The following NUCB1 variants were observed in gnomAD, a reference collection of about 807,000 sequenced individuals.
NUCB1 encodes nucleobindin 1.
NUCB1 carries 47 observed loss-of-function variants against 61.2 expected under a neutral mutation model. The ratio of observed to expected loss-of-function variants is 0.77; its 90% CI spans 0.61 to 0.98. NUCB1 has a LOEUF of 0.98. Ranked by LOEUF, NUCB1 falls within the 50% of genes least tolerant of loss-of-function variation. The pLI, the probability that NUCB1 is intolerant of heterozygous loss-of-function variation, is 0.00. For synonymous variants in NUCB1, 234 were observed against 243.1 expected, an observed-to-expected ratio of 0.96 and a Z score of 0.35; for missense variants, 583 against 605.3, an observed-to-expected ratio of 0.96 and a Z score of 0.39.
At chr19:48,902,562 A>G (rs1007851530) in intron 2 of NUCB1, among the ~76,000 whole-genome samples, 2 of 151,184 alleles carry the variant, frequency 1.3e-5, no homozygotes, top group African/African-American at 4.9e-5. Context: ...ATGTGCCACC[A>G]TGCCTAGCTA....
chr19:48,912,600 C>T (rs1260938540), intron 5 of NUCB1, among the ~76,000 whole-genome samples: 2 of 152,122 alleles, frequency 1.3e-5, no homozygotes, highest in African/African-American at 4.8e-5. Context: ...CTTTGGGAGG[C>T]TGACGTGGGC....
chr19:48,921,917 T>C lies in NUCB1; in HGVS notation c.1264T>C (p.Phe422Leu). 2 of 1,603,848 alleles carry C rather than the reference T, an allele frequency of 1.2e-6. No individual in the cohort carries two copies. Among genetic ancestry groups the C allele is most frequent in the Non-Finnish European group, 1.7e-6 (2 of 1,175,740 alleles). The change falls in exon 12 of 13, where the codon TTC becomes CTC. Residue 422 changes from phenylalanine (F) to leucine (L), a missense_variant. Physicochemically the swap from Phe to Leu is conservative, Grantham distance 22. Transcript: ENST00000405315. ...TGCCCACCCTGAGGGGCAGCTCAAG[T>C]TCCACCCAGACACAGGTGCTGGCCC... ...PAAHPEGQLK[F>L]HPDTDDVPVP...
At chr19:48,918,323 A>C (rs1054804918) in intron 7 of NUCB1, 1 of 167,930 alleles carries the variant, frequency 6.0e-6, no homozygotes, top group African/African-American at 2.4e-5. Context: ...GAAGCCCTGC[A>C]GCTGTGGGGT....
intron 4 of NUCB1, among the ~76,000 whole-genome samples, chr19:48,910,398 G>A (rs2037459315): frequency 1.3e-5 from 2 of 150,640 alleles, no homozygotes; most frequent in Non-Finnish European, 3.0e-5. Flanking sequence ...TTTAAAGAGT[G>A]GTTGAGGCTG....
At chr19:48,919,356 C>G in intron 10 of NUCB1, 70 bp downstream of exon 10, 1 of 1,168,790 alleles carries the variant, frequency 8.6e-7, no homozygotes, top group Non-Finnish European at 1.2e-6. Context: ...CTTTCAGAAT[C>G]TTAGGCCCCT....
intron 4 of NUCB1, chr19:48,910,904 T>C: frequency 2.6e-6 from 1 of 391,346 alleles, no homozygotes; most frequent in Non-Finnish European, 4.8e-6. Context: ...TTAAAGTGCT[T>C]AGGGCATGGC....
In NUCB1 at chr19:48,919,202, C is replaced by T. The variant is rs1204991714; in HGVS notation, c.918C>T (p.Thr306=). 6.2e-7 allele frequency: 1 copy of T among 1,614,094 alleles called. No individual in the cohort carries two copies. The highest frequency in any genetic ancestry group is 2.2e-5 in the East Asian group (1 of 44,868). The change falls in exon 10 of 13, where the codon ACC becomes ACT. Residue 306 remains threonine, a synonymous_variant. Transcript: ENST00000405315. ...CTTATCTGGCTCCCCAGGTGGACAC[C>T]AACCAGGACCGCCTCGTGACCCTGG... ...MREHVMKNVD[T]NQDRLVTLEE...
In NUCB1 at chr19:48,900,844, G is replaced by GCTGCTGCTC. The variant is rs749596433; in HGVS notation, c.54_62dup (p.Leu19_Leu21dup). The GCTGCTGCTC allele has an allele frequency of 6.2e-7, 1 of 1,613,916 alleles. No homozygotes were observed. The highest frequency in any genetic ancestry group is 1.1e-5 in the South Asian group (1 of 91,078). The stretch of plus-strand genomic sequence containing the variant: ...GAACCCTCCTTCTGTTGCCGCTGCT[G>GCTGCTGCTC]CTGCTGCTCCTGCTTCGCGCCGTGC... On this transcript the variant is annotated inframe_insertion, in exon 2 of 13. Coordinates refer to ENST00000405315, the MANE Select transcript of NUCB1 (RefSeq NM_006184.6).
chr19:48,911,401 TTTTC>T (rs755262068), intron 5 of NUCB1, 149 bp downstream of exon 5: 3,221 of 465,076 alleles, frequency 6.9e-3, no homozygotes, highest in South Asian at 0.013. Context: ...GTTTCTTTTC[TTTTC>T]TTTTTTTTTT....
At chr19:48,915,464 C>G (rs1426826111) in intron 7 of NUCB1, among the ~76,000 whole-genome samples, 2 of 152,128 alleles carry the variant, frequency 1.3e-5, no homozygotes, top group Non-Finnish European at 2.9e-5. Context: ...GAGATCACAC[C>G]ACTGCACTCC....
At position 48,913,143 on chromosome 19, in the gene NUCB1, A is replaced by AAGCTGG; in HGVS notation, c.615_620dup (p.Leu206_Glu207dup). ...GGAGCAGAGAAAGGAGGCGGAGAGGAAGCTGGAAGAGCAACAGCGCCGGCA... is the reference window on the plus strand; with the variant it reads ...GGAGCAGAGAAAGGAGGCGGAGAGGAAGCTGGAGCTGGAAGAGCAACAGCGCCGGCA... On this transcript the variant is annotated inframe_insertion, in exon 6 of 13. Coordinates refer to ENST00000405315, the MANE Select transcript of NUCB1 (RefSeq NM_006184.6). The AAGCTGG allele has an allele frequency of 6.2e-7, 1 of 1,613,880 alleles. No homozygotes were observed. Among genetic ancestry groups the AAGCTGG allele is most frequent in the Non-Finnish European group, 8.5e-7 (1 of 1,179,978 alleles).
At chr19:48,900,564 A>T in intron 1 of NUCB1, 192 bp downstream of exon 1, 1 of 586,482 alleles carries the variant, frequency 1.7e-6, no homozygotes, top group Non-Finnish European at 3.0e-6. Context: ...AGTGTGAGAG[A>T]GGAGCGTGTT....
intron 11 of NUCB1, among the ~76,000 whole-genome samples, chr19:48,921,561 G>C (rs375469307): frequency 6.6e-6 from 1 of 152,168 alleles, no homozygotes; most frequent in African/African-American, 2.4e-5. Context: ...GGCCCAGGAG[G>C]GGGAGAAAGG....
intron 4 of NUCB1, among the ~76,000 whole-genome samples, chr19:48,906,991 T>C (rs74533754): frequency 6.6e-6 from 1 of 151,772 alleles, no homozygotes; most frequent in South Asian, 2.1e-4. Flanking sequence ...TTTTTTTTTT[T>C]TGAGACAGAG....
At chr19:48,907,568 C>A (rs1232678922) in intron 4 of NUCB1, among the ~76,000 whole-genome samples, 1 of 152,218 alleles carries the variant, frequency 6.6e-6, no homozygotes, top group Non-Finnish European at 1.5e-5. Flanking sequence ...AGCCACCAGC[C>A]TTGGCCCCCA....
At position 48,905,886 on chromosome 19, in the gene NUCB1, G is replaced by A. The variant is rs1449605698; in HGVS notation, c.376+1G>A. On this transcript the variant is annotated splice_donor_variant, in intron 4 of 12. Coordinates refer to ENST00000405315, the MANE Select transcript of NUCB1 (RefSeq NM_006184.6). LOFTEE classifies it high-confidence loss of function. ...AAGATGGACGCCGAGCAGGATCCCAGTGAGCAGGGGCAGGGCGGGAGGGAC... is the reference window on the plus strand; with the variant it reads ...AAGATGGACGCCGAGCAGGATCCCAATGAGCAGGGGCAGGGCGGGAGGGAC... 8.0e-7 allele frequency: 1 copy of A among 1,246,764 alleles called. No homozygotes were observed. The highest frequency in any genetic ancestry group is 1.1e-6 in the Non-Finnish European group (1 of 903,004). 77.2% of individuals were successfully genotyped at this position (1,246,764 alleles called of 1,614,324 possible).
Position 48,919,227 on chromosome 19 carries a change from G to A in NUCB1, c.943G>A (p.Glu315Lys), listed in dbSNP as rs201809328. ...DTNQDRLVTL[E>K]EFLASTQRKE... ...CAACCAGGACCGCCTCGTGACCCTG[G>A]AGGAGTTCCTCGCATCCACTCAGAG... Residue 315 changes from glutamate to lysine, a missense_variant, in exon 10 of 13, where the codon GAG becomes AAG. Physicochemically the swap from Glu to Lys is moderately conservative, Grantham distance 56 (BLOSUM62 1). Coordinates refer to ENST00000405315, the MANE Select transcript of NUCB1 (RefSeq NM_006184.6). 1.3e-5 allele frequency: 21 copies of A among 1,614,020 alleles called. 1 individual carries two copies. In the East Asian group the frequency reaches 2.0e-4, roughly 15 times the overall value.
At position 48,911,142 on chromosome 19, in the gene NUCB1, C is replaced by G; in HGVS notation, c.377-7C>G. 1 of 1,603,308 alleles carries G rather than the reference C, an allele frequency of 6.2e-7. No individual in the cohort carries two copies. The highest frequency in any genetic ancestry group is 1.7e-4 in the Middle Eastern group (1 of 6,046). ...CCTCAGGTGTTGGACTCTTCCCTCT[C>G]TTCCAGATGTACAGGTGGATCATCT... On this transcript the variant is annotated splice_polypyrimidine_tract_variant and splice_region_variant and intron_variant, in intron 4 of 12. Transcript: ENST00000405315.
chr19:48,921,372 G>T, intron 11 of NUCB1, 48 bp downstream of exon 11: 1 of 1,543,816 alleles, frequency 6.5e-7, no homozygotes, highest in Admixed American at 2.0e-5. Flanking sequence ...CTGGCTGCCC[G>T]TGTCCGTGTC....
Sources: gnomAD v4.1 joint callset for allele counts (sites outside exome capture counted in the v4.1 genomes callset) on GRCh38, gnomAD v4.1.1 for gene constraint, MANE v1.5 for transcripts, NCBI Gene and HGNC (gene_info 2026-07-23, HGNC 2026-07-21) for gene names.